Variants in DAB1 observed in about 807,000 individuals in gnomAD.
DAB1 encodes the protein DAB adaptor protein 1, also known as disabled homolog 1.
Under a neutral mutation model 64.6 loss-of-function variants are expected in DAB1, and 15 were observed. That is an observed-to-expected ratio of 0.23 (90% confidence interval 0.16 to 0.36). The LOEUF is 0.36. Ranked by LOEUF, DAB1 falls within the 10% of genes least tolerant of loss-of-function variation. The probability of loss-of-function intolerance (pLI) is 1.00; values close to 1 mark genes in which losing one functional copy is unlikely to be tolerated. For missense variants in DAB1, 596 were observed against 706.7 expected (o/e 0.84, Z 1.78); for synonymous variants, 235 against 251.9 (o/e 0.93, Z 0.64).
chr1:57,591,746 A>G (rs1645447818), intron 7 of DAB1, among the ~76,000 whole-genome samples: 1 of 152,168 alleles, frequency 6.6e-6, no homozygotes, highest in African/African-American at 2.4e-5. Context: ...CAGTAAGCAG[A>G]ATTTATTATT....
intron 4 of DAB1, among the ~76,000 whole-genome samples, chr1:58,181,413 A>G (rs1027190609): frequency 6.6e-6 from 1 of 152,140 alleles, no homozygotes; most frequent in African/African-American, 2.4e-5. Context: ...GCTTTTTGAT[A>G]GAAGCAGTTA....
intron 4 of DAB1, among the ~76,000 whole-genome samples, chr1:58,215,903 A>G (rs926152432): frequency 1.6e-4 from 25 of 152,148 alleles, no homozygotes; most frequent in Non-Finnish European, 3.7e-4. Flanking sequence ...ATTTAACCAC[A>G]GCACCCATCA....
chr1:57,424,614 C>T (rs185812260), upstream of DAB1, among the ~76,000 whole-genome samples: 1 of 152,310 alleles, frequency 6.6e-6, no homozygotes, highest in Admixed American at 6.5e-5. Flanking sequence ...AAAACATATG[C>T]ATACCCAAAT....
chr1:57,818,562 T>C (rs1651974118), intron 6 of DAB1, among the ~76,000 whole-genome samples: 1 of 152,102 alleles, frequency 6.6e-6, no homozygotes, highest in Non-Finnish European at 1.5e-5. Flanking sequence ...TCTTAGTATG[T>C]GTTACCCATT....
At chr1:58,180,617 T>TA in intron 4 of DAB1, among the ~76,000 whole-genome samples, 1 of 152,194 alleles carries the variant, frequency 6.6e-6, no homozygotes, top group East Asian at 1.9e-4. Flanking sequence ...ATATAGGCAT[T>TA]AAAAGTTATA....
At chr1:58,038,018 C>T (rs1647073338) in intron 5 of DAB1, among the ~76,000 whole-genome samples, 1 of 152,048 alleles carries the variant, frequency 6.6e-6, no homozygotes, top group Admixed American at 6.6e-5. Context: ...TTTTGGAGTC[C>T]CTTTGCTACA....
intron 2 of DAB1, among the ~76,000 whole-genome samples, chr1:57,162,188 A>G (rs1397308295): frequency 1.3e-5 from 2 of 152,258 alleles, no homozygotes; most frequent in Non-Finnish European, 2.9e-5. Flanking sequence ...CTTCTGCACC[A>G]GAAAAGTGTG....
chr1:58,155,656 G>A (rs375401102), intron 4 of DAB1, among the ~76,000 whole-genome samples: 4 of 152,124 alleles, frequency 2.6e-5, no homozygotes, highest in Admixed American at 6.6e-5. Flanking sequence ...CTTAGTAACC[G>A]GCACAAACAT....
intron 3 of DAB1, among the ~76,000 whole-genome samples, chr1:58,493,415 A>G (rs1325458926): frequency 6.6e-6 from 1 of 152,128 alleles, no homozygotes; most frequent in Non-Finnish European, 1.5e-5. Flanking sequence ...AGTTCTGGCC[A>G]GGGCAATCAG....
At chr1:58,282,409 T>A (rs1318720754) in intron 4 of DAB1, among the ~76,000 whole-genome samples, 1 of 152,204 alleles carries the variant, frequency 6.6e-6, no homozygotes, top group Non-Finnish European at 1.5e-5. Flanking sequence ...TGTTACCATG[T>A]TTCACATCAT....
chr1:57,913,525 T>C (rs1205833716), intron 5 of DAB1, among the ~76,000 whole-genome samples: 1 of 152,192 alleles, frequency 6.6e-6, no homozygotes, highest in Non-Finnish European at 1.5e-5. Flanking sequence ...ATTCAGGACA[T>C]AGGCATGGGC....
chr1:58,531,732 C>CA (rs1646437139), intron 1 of DAB1, among the ~76,000 whole-genome samples: 1 of 150,494 alleles, frequency 6.6e-6, no homozygotes, highest in Non-Finnish European at 1.5e-5. Flanking sequence ...TTTTTTGAGA[C>CA]AGAGTCTTGC....
At chr1:58,300,594 A>G (rs866279677) in intron 4 of DAB1, among the ~76,000 whole-genome samples, 20 of 33,620 alleles carry the variant, frequency 5.9e-4, no homozygotes, top group African/African-American at 8.6e-4. Flanking sequence ...GAAAGAAAGA[A>G]AGAAAGAAAG....
At chr1:58,228,367 G>C (rs75552828) in intron 4 of DAB1, among the ~76,000 whole-genome samples, 2,329 of 152,058 alleles carry the variant, frequency 0.015, 30 homozygotes, top group Non-Finnish European at 0.027. Context: ...ATTGCTTTTT[G>C]GGGGGGTAAG....
chr1:57,518,114 C>G (rs1235386022), intron 7 of DAB1, among the ~76,000 whole-genome samples: 1 of 152,214 alleles, frequency 6.6e-6, no homozygotes, highest in East Asian at 1.9e-4. Context: ...AGATTGCTTT[C>G]TTTCATAAAA....
chr1:57,798,290 C>T (rs563643066), intron 6 of DAB1, among the ~76,000 whole-genome samples: 26 of 152,204 alleles, frequency 1.7e-4, no homozygotes, highest in African/African-American at 5.5e-4. Flanking sequence ...CAAAATAACA[C>T]AGCAAATTAA....
At position 57,604,069 on chromosome 1, in the gene DAB1, G is replaced by A. The variant is rs145081143; in HGVS notation, n.625+45523C>T. ...CTCCACTGCCCTGAAGAAGCCATGC[G>A]CTGCTGCTTCCTGTCACCTCAATGG... On this transcript the variant is annotated intron_variant and non_coding_transcript_variant, in intron 7 of 20. Coordinates refer to the DAB1 transcript ENST00000485760. Among the ~76,000 whole-genome samples the A allele has an allele frequency of 1.8e-4, 27 of 152,318 alleles. No homozygotes were observed. The Middle Eastern group carries it at 0.01, about 58-fold the overall frequency.
chr1:58,443,734 T>C (rs706441), intron 3 of DAB1, among the ~76,000 whole-genome samples: 27,664 of 152,196 alleles, frequency 0.18, 2,876 homozygotes, highest in East Asian at 0.33. Context: ...AAGTATAAAA[T>C]AGTGTATGTT....
At chr1:57,352,040 A>C (rs1018709291) in intron 1 of DAB1, among the ~76,000 whole-genome samples, 2 of 152,184 alleles carry the variant, frequency 1.3e-5, no homozygotes, top group African/African-American at 4.8e-5. Flanking sequence ...AAAACATTAG[A>C]TGTGAACCCC....
Sources: gnomAD v4.1 joint callset for allele counts (sites outside exome capture counted in the v4.1 genomes callset) on GRCh38, gnomAD v4.1.1 for gene constraint, MANE v1.5 for transcripts, NCBI Gene and HGNC (gene_info 2026-07-23, HGNC 2026-07-21) for gene names.